DDX10: variants seen among roughly 807,000 people sequenced by gnomAD.
DDX10 encodes DEAD-box helicase 10.
Under a neutral mutation model 104.3 loss-of-function variants are expected in DDX10, and 74 were observed. The ratio of observed to expected loss-of-function variants is 0.71; its 90% CI spans 0.59 to 0.86. The LOEUF is 0.86. Among genes scored for constraint, DDX10 ranks in the 40% least tolerant of loss-of-function variants. DDX10 has a pLI of 0.00. For missense variants in DDX10, 952 were observed against 1,040.0 expected (o/e 0.92, Z 1.16); for synonymous variants, 351 against 353.4 (o/e 0.99, Z 0.08).
chr11:108,751,870 G>A (rs553166239), intron 13 of DDX10, among the ~76,000 whole-genome samples: 1 of 152,128 alleles, frequency 6.6e-6, no homozygotes, highest in African/African-American at 2.4e-5. Flanking sequence ...AAGTAAGCTG[G>A]TAGTGGGTGT....
At chr11:108,826,863 A>G (rs574750138) in intron 13 of DDX10, among the ~76,000 whole-genome samples, 2 of 152,226 alleles carry the variant, frequency 1.3e-5, no homozygotes, top group Non-Finnish European at 2.9e-5. Flanking sequence ...TTAATGGGTC[A>G]TGGATTTAAA....
chr11:108,930,409 G>A (rs561479148), intron 17 of DDX10, among the ~76,000 whole-genome samples: 1 of 152,210 alleles, frequency 6.6e-6, no homozygotes, highest in Admixed American at 6.5e-5. Context: ...AAGACATCTT[G>A]GCTGCTTCCA....
intron 13 of DDX10, chr11:108,729,992 A>G (rs985575548): frequency 6.5e-6 from 1 of 153,894 alleles, no homozygotes; most frequent in East Asian, 1.9e-4. Context: ...CTGATCGTGG[A>G]TTCTGGATCC....
chr11:108,827,410 C>T (rs1031605146), intron 13 of DDX10, among the ~76,000 whole-genome samples: 2 of 152,174 alleles, frequency 1.3e-5, no homozygotes, highest in Non-Finnish European at 2.9e-5. Context: ...CAAGAAATTA[C>T]AGTAACAGAG....
chr11:108,679,305 A>G, intron 5 of DDX10, 66 bp from the exon 6 acceptor site: 1 of 1,296,360 alleles, frequency 7.7e-7, no homozygotes, highest in Non-Finnish European at 1.1e-6. Flanking sequence ...AATCCAGGAT[A>G]CCCATTGCAT....
intron 17 of DDX10, among the ~76,000 whole-genome samples, chr11:108,935,312 G>T (rs1864022905): frequency 6.6e-6 from 1 of 152,102 alleles, no homozygotes; most frequent in African/African-American, 2.4e-5. Context: ...ATAGAAAGGA[G>T]CCTCAAAGAG....
At position 108,916,092 on chromosome 11, in the gene DDX10, C is replaced by G. The variant is rs1418908663; in HGVS notation, c.2305-1781C>G. On this transcript the variant is annotated intron_variant, in intron 16 of 17. Transcript: ENST00000322536. ...ATACAGTAAATGTCAGTAGATCTTC[C>G]CCATGTTAACAAAAGCTCTTTGGCA... is the stretch of plus-strand genomic sequence containing the variant. Among the ~76,000 whole-genome samples the G allele has an allele frequency of 3.3e-5, 5 of 150,482 alleles. No homozygotes were observed. The East Asian group carries it at 9.8e-4, about 29-fold the overall frequency.
chr11:108,771,313 A>G (rs2094362809), intron 13 of DDX10, among the ~76,000 whole-genome samples: 1 of 151,124 alleles, frequency 6.6e-6, no homozygotes, highest in Non-Finnish European at 1.5e-5. Flanking sequence ...GTGTCTCTTT[A>G]CTTTATTGAT....
At chr11:108,889,915 A>C (rs570597379) in intron 16 of DDX10, among the ~76,000 whole-genome samples, 1 of 152,226 alleles carries the variant, frequency 6.6e-6, no homozygotes, top group Non-Finnish European at 1.5e-5. Flanking sequence ...ATTCTTTAAT[A>C]GTTTTCAATA....
chr11:108,926,351 T>G (rs959068335), intron 17 of DDX10, among the ~76,000 whole-genome samples: 1 of 152,066 alleles, frequency 6.6e-6, no homozygotes, highest in Non-Finnish European at 1.5e-5. Context: ...GCCAAAAACT[T>G]TTTGCCAGCC....
chr11:108,675,355 G>A (rs1340849268), intron 2 of DDX10, among the ~76,000 whole-genome samples: 1 of 152,110 alleles, frequency 6.6e-6, no homozygotes, highest in Non-Finnish European at 1.5e-5. Context: ...GTGGACCCTT[G>A]GTGTCTCTTT....
intron 13 of DDX10, among the ~76,000 whole-genome samples, chr11:108,750,767 TC>T (rs952783108): frequency 6.6e-6 from 1 of 150,734 alleles, no homozygotes; most frequent in African/African-American, 2.4e-5. Flanking sequence ...TTAACTTTTT[TC>T]TTTTTTTTTG....
intron 16 of DDX10, among the ~76,000 whole-genome samples, chr11:108,882,571 G>T (rs1229151988): frequency 6.6e-6 from 1 of 152,146 alleles, no homozygotes; most frequent in Non-Finnish European, 1.5e-5. Flanking sequence ...CATCTATAAT[G>T]TAAGCAGTTA....
At chr11:108,723,594 C>T in intron 13 of DDX10, 132 bp downstream of exon 13, 1 of 852,350 alleles carries the variant, frequency 1.2e-6, no homozygotes, top group South Asian at 2.1e-5. Flanking sequence ...ACTCTTCCTC[C>T]TTTCCCCCAT....
chr11:108,858,453 A>G (rs186613469), intron 16 of DDX10, among the ~76,000 whole-genome samples: 20 of 152,264 alleles, frequency 1.3e-4, no homozygotes, highest in Admixed American at 3.3e-4. Flanking sequence ...TGTTAATGCT[A>G]TGTCAGTTAT....
intron 1 of DDX10, among the ~76,000 whole-genome samples, chr11:108,667,996 G>A (rs2094212195): frequency 6.6e-6 from 1 of 152,234 alleles, no homozygotes; most frequent in Non-Finnish European, 1.5e-5. Flanking sequence ...GAGTCTGGTA[G>A]CACAGTGCTT....
At chr11:108,928,272 A>T (rs1863933482) in intron 17 of DDX10, among the ~76,000 whole-genome samples, 3 of 152,218 alleles carry the variant, frequency 2.0e-5, no homozygotes, top group Non-Finnish European at 2.9e-5. Flanking sequence ...TATATCAGTG[A>T]ATCAGTCTCT....
intron 16 of DDX10, among the ~76,000 whole-genome samples, chr11:108,908,030 C>G (rs1380699203): frequency 6.6e-6 from 1 of 152,102 alleles, no homozygotes; most frequent in East Asian, 1.9e-4. Context: ...GCACATCTGC[C>G]TTAGTAAATA....
At chr11:108,840,137 A>G (rs959054001) in intron 14 of DDX10, among the ~76,000 whole-genome samples, 3 of 152,162 alleles carry the variant, frequency 2.0e-5, no homozygotes, top group Non-Finnish European at 4.4e-5. Context: ...GTAACATGAT[A>G]TTCATATTGT....
Sources: allele counts gnomAD v4.1 joint callset (sites outside exome capture counted in the v4.1 genomes callset), GRCh38; gene constraint gnomAD v4.1.1; transcripts MANE v1.5; gene names NCBI Gene and HGNC (gene_info 2026-07-23, HGNC 2026-07-21).